Variants in ZFAT observed in about 807,000 individuals in gnomAD.
ZFAT encodes the protein zinc finger and AT-hook domain containing.
ZFAT carries 64 observed loss-of-function variants against 117.7 expected under a neutral mutation model. The ratio of observed to expected loss-of-function variants is 0.54; its 90% confidence interval spans 0.44 to 0.67. The LOEUF is 0.67. ZFAT is among the 30% of genes least tolerant of loss of function. The pLI is 0.00. For missense variants in ZFAT, 1,433 were observed against 1,584.5 expected, an observed-to-expected ratio of 0.90 and a Z score of 1.62; for synonymous variants, 679 against 615.0, an observed-to-expected ratio of 1.10 and a Z score of -1.54.
At chr8:134,563,345 G>A (rs1824186588) in intron 11 of ZFAT, among the ~76,000 whole-genome samples, 2 of 152,198 alleles carry the variant, frequency 1.3e-5, no homozygotes, top group South Asian at 4.1e-4. Context: ...CATGTAGTGA[G>A]AAAAGCACAA....
chr8:134,493,425 G>T (rs905819029), intron 15 of ZFAT, among the ~76,000 whole-genome samples: 2 of 152,228 alleles, frequency 1.3e-5, no homozygotes, highest in South Asian at 4.1e-4. Context: ...AGGATGAAAA[G>T]GTTTCCATAC....
intron 1 of ZFAT, among the ~76,000 whole-genome samples, chr8:134,663,631 G>A (rs981132776): frequency 5.9e-5 from 9 of 152,066 alleles, no homozygotes; most frequent in Non-Finnish European, 7.4e-5. Context: ...CCAGCTACTC[G>A]AGAGGCTGAG....
chr8:134,692,072 T>C (rs1833613435), intron 1 of ZFAT, among the ~76,000 whole-genome samples: 1 of 152,100 alleles, frequency 6.6e-6, no homozygotes, highest in Non-Finnish European at 1.5e-5. Context: ...GTCAGGCTGG[T>C]CTCGAACTCC....
chr8:134,722,355 C>G, the ZFAT span, among the ~76,000 whole-genome samples: 1 of 152,118 alleles, frequency 6.6e-6, no homozygotes, highest in Non-Finnish European at 1.5e-5. Flanking sequence ...CCGGGTTTGC[C>G]CTATCGCATT....
At chr8:134,817,394 T>TACACACACAC in the ZFAT span, among the ~76,000 whole-genome samples, 131 of 126,062 alleles carry the variant, frequency 1.0e-3, no homozygotes, top group East Asian at 3.5e-3. Context: ...TCTCTCTCTC[T>TACACACACAC]ACACACACAC....
the ZFAT span, among the ~76,000 whole-genome samples, chr8:134,752,436 T>C: frequency 1.3e-5 from 2 of 152,190 alleles, no homozygotes; most frequent in Non-Finnish European, 2.9e-5. Flanking sequence ...TTGACTGTTA[T>C]TGTTCTATAA....
intron 2 of ZFAT, among the ~76,000 whole-genome samples, chr8:134,640,429 G>C (rs984521664): frequency 6.6e-6 from 1 of 152,164 alleles, no homozygotes; most frequent in Non-Finnish European, 1.5e-5. Context: ...AGACTCAATG[G>C]AGCACAGACA....
chr8:134,608,502 G>A (rs1267209349), intron 5 of ZFAT, among the ~76,000 whole-genome samples: 1 of 152,144 alleles, frequency 6.6e-6, no homozygotes, highest in Non-Finnish European at 1.5e-5. Flanking sequence ...GCCAGTTGGT[G>A]CTCAGTTCTA....
intron 11 of ZFAT, among the ~76,000 whole-genome samples, chr8:134,542,451 C>T (rs749869810): frequency 6.6e-6 from 1 of 152,206 alleles, no homozygotes; most frequent in African/African-American, 2.4e-5. Flanking sequence ...CCTCATCCTC[C>T]TCCCACCACC....
chr8:134,755,820 A>AC, the ZFAT span, among the ~76,000 whole-genome samples: 1 of 138,140 alleles, frequency 7.2e-6, no homozygotes, highest in Non-Finnish European at 1.5e-5. Context: ...TCCATCTCAA[A>AC]AAAAAAAAAA....
At chr8:134,644,315 G>T (rs1234573671) in intron 2 of ZFAT, among the ~76,000 whole-genome samples, 1 of 152,154 alleles carries the variant, frequency 6.6e-6, no homozygotes, top group Non-Finnish European at 1.5e-5. Context: ...CCTGCAGAGG[G>T]TCTGAAATCA....
the ZFAT span, among the ~76,000 whole-genome samples, chr8:134,779,676 ATCTATCTTAAAAACCTT>A: frequency 6.6e-6 from 1 of 152,210 alleles, no homozygotes; most frequent in African/African-American, 2.4e-5. Context: ...ATGTATAAGT[ATCTATCTTAAAAACCTT>A]TCAAAGTTAG....
At chr8:134,713,155 G>C, upstream of ZFAT, 6 of 326,016 alleles carry the variant, frequency 1.8e-5, no homozygotes, top group Non-Finnish European at 2.8e-5. Context: ...GCTCGCAGTC[G>C]GAGGCCGTGC....
the ZFAT span, among the ~76,000 whole-genome samples, chr8:134,760,056 G>T: frequency 6.7e-6 from 1 of 150,326 alleles, no homozygotes; most frequent in Non-Finnish European, 1.5e-5. Flanking sequence ...CAAGGCGGGC[G>T]GATCACAAGG....
intron 11 of ZFAT, among the ~76,000 whole-genome samples, chr8:134,561,473 T>C (rs1004004346): frequency 6.6e-6 from 1 of 152,296 alleles, no homozygotes; most frequent in South Asian, 2.1e-4. Context: ...CTCAACCATG[T>C]CTAAATAATA....
At chr8:134,786,280 C>T in the ZFAT span, among the ~76,000 whole-genome samples, 74 of 152,174 alleles carry the variant, frequency 4.9e-4, no homozygotes, top group Non-Finnish European at 5.3e-4. Context: ...TCCAGTGCAA[C>T]ATGGAACAGA....
intron 11 of ZFAT, among the ~76,000 whole-genome samples, chr8:134,543,268 T>C (rs998077624): frequency 2.7e-5 from 4 of 149,718 alleles, no homozygotes; most frequent in Non-Finnish European, 5.9e-5. Flanking sequence ...CTCTCTGTGA[T>C]AGTCAGCCGG....
At position 134,645,704 on chromosome 8, in the gene ZFAT, G is replaced by T. The variant is rs1405913418; in HGVS notation, c.197-7992C>A. Among the ~76,000 whole-genome samples, 3 of 152,080 alleles carry T rather than the reference G, an allele frequency of 2.0e-5. No homozygotes were observed. In the South Asian group the frequency reaches 6.2e-4, roughly 32 times the overall value. The stretch of plus-strand genomic sequence containing the variant: ...TTGAACATGCTGTTTTAACTCCTCT[G>T]AGTCTCTAAGCCACATATTCCTCAA... On this transcript the variant is annotated intron_variant, in intron 2 of 15. Coordinates refer to ENST00000377838, the MANE Select transcript of ZFAT (RefSeq NM_020863.4).
chr8:134,710,417 T>C (rs1281281807), intron 1 of ZFAT, among the ~76,000 whole-genome samples: 1 of 152,212 alleles, frequency 6.6e-6, no homozygotes, highest in African/African-American at 2.4e-5. Context: ...CCAATGGTCT[T>C]TGTTTCAAAA....
Sources: allele counts gnomAD v4.1 joint callset (sites outside exome capture counted in the v4.1 genomes callset), GRCh38; gene constraint gnomAD v4.1.1; transcripts MANE v1.5; gene names NCBI Gene and HGNC (gene_info 2026-07-23, HGNC 2026-07-21).